The following ARID5B variants were observed in gnomAD, a reference collection of about 807,000 sequenced individuals.
ARID5B encodes AT-rich interactive domain-containing protein 5B.
ARID5B carries 13 observed loss-of-function variants against 97.2 expected under a neutral mutation model. The ratio of observed to expected loss-of-function variants is 0.13; its 90% CI spans 0.09 to 0.21. The LOEUF (loss-of-function observed/expected upper bound fraction) is 0.21. Among genes scored for constraint, ARID5B ranks in the 10% least tolerant of loss-of-function variants. The pLI is 1.00. For missense variants in ARID5B, 1,210 were observed against 1,465.3 expected (o/e 0.83, Z 2.84); for synonymous variants, 556 against 570.3 (o/e 0.97, Z 0.36).
chr10:61,995,384 C>T (rs537306947), intron 3 of ARID5B, among the ~76,000 whole-genome samples: 29 of 152,138 alleles, frequency 1.9e-4, no homozygotes, highest in Admixed American at 1.8e-3. Flanking sequence ...AAGAAGTAGC[C>T]GAGGAATTTA....
intron 4 of ARID5B, among the ~76,000 whole-genome samples, chr10:62,036,576 T>C (rs1398951337): frequency 2.0e-5 from 3 of 152,232 alleles, no homozygotes; most frequent in Non-Finnish European, 4.4e-5. Context: ...TTCTTGCTTG[T>C]ATGTTTTGGC....
At chr10:62,014,631 A>C (rs1564627904) in intron 4 of ARID5B, among the ~76,000 whole-genome samples, 1 of 152,178 alleles carries the variant, frequency 6.6e-6, no homozygotes. Context: ...ACCCTCATAC[A>C]AAATAGGGAG....
At chr10:62,070,520 A>G (rs1840049912) in intron 8 of ARID5B, among the ~76,000 whole-genome samples, 3 of 152,162 alleles carry the variant, frequency 2.0e-5, no homozygotes, top group Admixed American at 1.3e-4. Context: ...CTTCCTTATA[A>G]CTGGCATTTC....
intron 7 of ARID5B, among the ~76,000 whole-genome samples, chr10:62,064,625 A>C (rs1839962277): frequency 6.6e-6 from 1 of 151,850 alleles, no homozygotes; most frequent in Non-Finnish European, 1.5e-5. Flanking sequence ...CATCCAATAA[A>C]ACTGTGGAAG....
chr10:61,903,211 G>A (rs984582102), intron 2 of ARID5B, among the ~76,000 whole-genome samples: 3 of 152,000 alleles, frequency 2.0e-5, no homozygotes, highest in Admixed American at 1.3e-4. Context: ...GTGTGTGCTC[G>A]CCCACTGGCC....
rs566045630 is a variant in ARID5B, at chr10:61,902,697, G to A, written c.276+284G>A. ...GATGTGTGTGTGTGTGTGTGTGTGT[G>A]TGTGTATGTGTGTGTGTGTGTTCAT... On this transcript the variant is annotated intron_variant, in intron 2 of 9. Transcript: ENST00000279873. 9.2e-4 allele frequency among the ~76,000 whole-genome samples: 138 copies of A among 149,746 alleles called. 6 individuals are homozygous for A. In the South Asian group the frequency reaches 0.024, roughly 26 times the overall value.
intron 4 of ARID5B, among the ~76,000 whole-genome samples, chr10:62,022,278 G>A (rs746056418): frequency 1.3e-5 from 2 of 152,204 alleles, no homozygotes; most frequent in Non-Finnish European, 2.9e-5. Context: ...AACCACTGTG[G>A]CCATGCCATC....
chr10:61,963,628 A>G (rs941757592), intron 3 of ARID5B, among the ~76,000 whole-genome samples: 4 of 151,896 alleles, frequency 2.6e-5, no homozygotes, highest in African/African-American at 4.8e-5. Flanking sequence ...GAGCAACACA[A>G]TTCTTTGTAA....
intron 3 of ARID5B, among the ~76,000 whole-genome samples, chr10:61,979,829 C>T (rs1341958710): frequency 6.6e-6 from 1 of 152,236 alleles, no homozygotes; most frequent in South Asian, 2.1e-4. Flanking sequence ...TGGTGGCTCA[C>T]GCCTGTAATC....
intron 3 of ARID5B, among the ~76,000 whole-genome samples, chr10:61,950,652 C>G (rs762474119): frequency 2.6e-5 from 4 of 152,112 alleles, no homozygotes; most frequent in Non-Finnish European, 4.4e-5. Context: ...CCTGGGCAAC[C>G]CACACTGCAT....
intron 3 of ARID5B, among the ~76,000 whole-genome samples, chr10:61,944,329 G>T (rs1844465913): frequency 6.6e-6 from 1 of 152,062 alleles, no homozygotes; most frequent in African/African-American, 2.4e-5. Flanking sequence ...ATTTATTTTT[G>T]TCTTTAGAAT....
chr10:61,991,867 T>C (rs1479674140), intron 3 of ARID5B, among the ~76,000 whole-genome samples: 1 of 152,034 alleles, frequency 6.6e-6, no homozygotes, highest in Non-Finnish European at 1.5e-5. Context: ...CTGTCTCTAC[T>C]AAAAATACAA....
chr10:62,000,320 T>C lies in ARID5B; in HGVS notation c.732T>C (p.Phe244=). The C allele has an allele frequency of 6.3e-7, 1 of 1,588,590 alleles. No individual in the cohort carries two copies. The highest frequency in any genetic ancestry group is 8.6e-7 in the Non-Finnish European group (1 of 1,166,916). ...AAAACGAGAGTATATGCGATGAGTTTGGTGAGTCTTTTTTTTTTTTTCCTA... is the reference window on the plus strand; with the variant it reads ...AAAACGAGAGTATATGCGATGAGTTCGGTGAGTCTTTTTTTTTTTTTCCTA... ...LIENESICDE[F]APNLKGRPRK... The change falls in exon 4 of 10, where the codon TTT becomes TTC. Residue 244 remains phenylalanine, a splice_region_variant and synonymous_variant. Coordinates refer to ENST00000279873, the MANE Select transcript of ARID5B (RefSeq NM_032199.3). This position sits in a 1 kb window ranked among gnomAD's most constrained non-coding sequence, Gnocchi z 4.4.
chr10:61,943,618 G>C (rs1844452129), intron 3 of ARID5B, among the ~76,000 whole-genome samples: 1 of 152,010 alleles, frequency 6.6e-6, no homozygotes. Flanking sequence ...TAATTAGATT[G>C]GTTCTTAGAG....
chr10:62,091,752 G>A lies in ARID5B; in HGVS notation c.2289G>A (p.Ser763=), dbSNP rs201037509. 355 of 1,614,058 alleles carry A rather than the reference G, an allele frequency of 2.2e-4. No individual in the cohort carries two copies. In the East Asian group the frequency reaches 2.4e-3, roughly 11 times the overall value. Residue 763 remains serine, a synonymous_variant, in exon 10 of 10, where the codon TCG becomes TCA. Transcript: ENST00000279873. ...QHVQSFRSKP[S]EERKTINDIF... is the part of the protein sequence containing the mutation. Reference sequence around the variant, plus strand: ...TCCAGAGTTTCAGAAGCAAGCCCTCGGAAGAGAGAAAGACCATCAATGACA... The same window carrying A: ...TCCAGAGTTTCAGAAGCAAGCCCTCAGAAGAGAGAAAGACCATCAATGACA...
At chr10:62,082,747 A>G (rs1840230323) in intron 8 of ARID5B, among the ~76,000 whole-genome samples, 1 of 152,190 alleles carries the variant, frequency 6.6e-6, no homozygotes, top group African/African-American at 2.4e-5. Flanking sequence ...CTTGTACTGT[A>G]AAAACTTCTA....
At position 61,902,431 on chromosome 10, in the gene ARID5B, C is replaced by G; in HGVS notation, c.276+18C>G. The G allele has an allele frequency of 6.2e-7, 1 of 1,609,338 alleles. No individual in the cohort carries two copies. Among genetic ancestry groups the G allele is most frequent in the East Asian group, 2.2e-5 (1 of 44,762 alleles). ...ATGGCGAGGTGGTAAACCTGTCTGTCCCCCTCTTCTTTCTTTATTATTTTT... is the reference window on the plus strand; with the variant it reads ...ATGGCGAGGTGGTAAACCTGTCTGTGCCCCTCTTCTTTCTTTATTATTTTT... On this transcript the variant is annotated intron_variant, in intron 2 of 9. Transcript: ENST00000279873.
chr10:62,042,431 G>T (rs961819284), intron 4 of ARID5B, among the ~76,000 whole-genome samples: 1 of 152,192 alleles, frequency 6.6e-6, no homozygotes, highest in Non-Finnish European at 1.5e-5. Context: ...GGCATTTTGA[G>T]AGTCCACTTT....
In ARID5B at chr10:62,091,641, T is replaced by A. The variant is rs146336312; in HGVS notation, c.2178T>A (p.Asp726Glu). 46 of 1,614,026 alleles carry A rather than the reference T, an allele frequency of 2.9e-5. No individual in the cohort carries two copies. Among genetic ancestry groups the A allele is most frequent in the Admixed American group, 1.7e-5 (1 of 59,998 alleles). ...GCAAAAAGAAACTGATTGCTAGGGA[T>A]GACTTGTGTTCCAGTTTGTCCCAGA... ...LISKKKLIAR[D>E]DLCSSLSQTH... Residue 726 changes from aspartate (D) to glutamate (E), a missense_variant, in exon 10 of 10, where the codon GAT becomes GAA. Asp to Glu is a conservative substitution (Grantham distance 45, BLOSUM62 2). Around this residue, in one of 8 missense-constraint regions of ARID5B, gnomAD observed 800 missense variants for 839.1 expected, o/e 0.95. Coordinates refer to ENST00000279873, the MANE Select transcript of ARID5B (RefSeq NM_032199.3).
Sources: gnomAD v4.1 joint callset for allele counts (sites outside exome capture counted in the v4.1 genomes callset) on GRCh38, gnomAD v4.1.1 for gene constraint, gnomAD v4.1.1 regional missense constraint, Gnocchi (gnomAD v3.1) non-coding constraint, MANE v1.5 for transcripts, NCBI Gene and HGNC (gene_info 2026-07-23, HGNC 2026-07-21) for gene names.